Variants in SLX4IP observed in about 807,000 individuals in gnomAD.
The protein encoded by SLX4IP is SLX4 interacting protein.
A neutral mutation model predicts 32.9 loss-of-function variants in SLX4IP; 34 were observed. The observed-to-expected ratio is 1.03, with a 90% CI of 0.79 to 1.38. The LOEUF is 1.38. Among genes scored for constraint, SLX4IP ranks in the 40% most tolerant of loss-of-function variants. The pLI, the probability that SLX4IP is intolerant of heterozygous loss-of-function variation, is 0.00. For synonymous variants in SLX4IP, 172 were observed against 171.7 expected (o/e 1.00, Z -0.01); for missense variants, 444 against 479.0 (o/e 0.93, Z 0.68).
chr20:10,465,111 A>G (rs1295935303), intron 2 of SLX4IP, among the ~76,000 whole-genome samples: 1 of 152,180 alleles, frequency 6.6e-6, no homozygotes, highest in Non-Finnish European at 1.5e-5. Context: ...TATGTCCTGT[A>G]CTTCAGTGAG....
chr20:10,505,264 G>A (rs190229541), intron 2 of SLX4IP, among the ~76,000 whole-genome samples: 1 of 152,276 alleles, frequency 6.6e-6, no homozygotes, highest in African/African-American at 2.4e-5. Context: ...TAGACTCTGG[G>A]AATGTGTGCA....
intron 4 of SLX4IP, among the ~76,000 whole-genome samples, chr20:10,571,707 G>T (rs1032026942): frequency 2.0e-5 from 3 of 152,172 alleles, no homozygotes; most frequent in Admixed American, 6.5e-5. Flanking sequence ...AGCACCCACT[G>T]CAGAGCCTGT....
At chr20:10,483,126 CGTTT>C (rs1260422007) in intron 2 of SLX4IP, among the ~76,000 whole-genome samples, 2 of 151,988 alleles carry the variant, frequency 1.3e-5, no homozygotes, top group Non-Finnish European at 2.9e-5. Flanking sequence ...TTTGTTTGTT[CGTTT>C]GTTTGTTTTG....
chr20:10,590,256 A>G lies in SLX4IP; in HGVS notation c.239-8419A>G, dbSNP rs1012844177. Reference sequence around the variant, plus strand: ...AATGCAGATCCCACACATTTATACAATTAATGATTTCTAAAATTATATCAT... The same window carrying G: ...AATGCAGATCCCACACATTTATACAGTTAATGATTTCTAAAATTATATCAT... On this transcript the variant is annotated intron_variant, in intron 4 of 7. Coordinates refer to ENST00000334534, the MANE Select transcript of SLX4IP (RefSeq NM_001009608.3). Among the ~76,000 whole-genome samples the G allele has an allele frequency of 2.0e-5, 3 of 152,226 alleles. No individual in the cohort carries two copies. In the South Asian group the frequency reaches 6.2e-4, roughly 32 times the overall value.
intron 2 of SLX4IP, among the ~76,000 whole-genome samples, chr20:10,527,893 C>G (rs187696043): frequency 3.3e-5 from 5 of 152,252 alleles, no homozygotes; most frequent in East Asian, 1.9e-4. Context: ...TGCATTCCAT[C>G]CTGCTTTTTC....
At chr20:10,558,067 C>T (rs1341413902) in intron 3 of SLX4IP, among the ~76,000 whole-genome samples, 1 of 152,166 alleles carries the variant, frequency 6.6e-6, no homozygotes, top group Non-Finnish European at 1.5e-5. Context: ...TGGCCAGGTG[C>T]AGTGACACAC....
chr20:10,504,033 A>T (rs2065739456), intron 2 of SLX4IP, among the ~76,000 whole-genome samples: 1 of 152,208 alleles, frequency 6.6e-6, no homozygotes, highest in South Asian at 2.1e-4. Context: ...ATCTTATGAT[A>T]TCCAGTTCAG....
intron 2 of SLX4IP, among the ~76,000 whole-genome samples, chr20:10,491,167 A>G (rs950633726): frequency 6.6e-6 from 1 of 152,216 alleles, no homozygotes; most frequent in African/African-American, 2.4e-5. Flanking sequence ...TGTGTTTTAA[A>G]TACTTAATAA....
chr20:10,525,643 A>G (rs2065934786), intron 2 of SLX4IP, among the ~76,000 whole-genome samples: 1 of 152,224 alleles, frequency 6.6e-6, no homozygotes. Flanking sequence ...ATTTTCCTCC[A>G]GAATTATTCA....
intron 2 of SLX4IP, among the ~76,000 whole-genome samples, chr20:10,469,545 T>C (rs536682994): frequency 2.0e-5 from 3 of 152,332 alleles, no homozygotes; most frequent in Admixed American, 6.5e-5. Flanking sequence ...TAGACCTTGA[T>C]ACTTTTAATT....
At chr20:10,494,596 A>G (rs2065651763) in intron 2 of SLX4IP, among the ~76,000 whole-genome samples, 2 of 151,948 alleles carry the variant, frequency 1.3e-5, no homozygotes, top group African/African-American at 4.8e-5. Context: ...TTTGTGCTAG[A>G]CGTTTGCCTG....
intron 2 of SLX4IP, among the ~76,000 whole-genome samples, chr20:10,554,527 G>A (rs2122494954): frequency 6.6e-6 from 1 of 152,322 alleles, no homozygotes; most frequent in South Asian, 2.1e-4. Flanking sequence ...ATTTGCCAGA[G>A]TGGTTAGACC....
chr20:10,540,081 T>C, intron 2 of SLX4IP, among the ~76,000 whole-genome samples: 7 of 107,276 alleles, frequency 6.5e-5, no homozygotes, highest in Admixed American at 5.0e-4. Context: ...TTCTTTCTTT[T>C]CTCTCCTTCC....
intron 2 of SLX4IP, among the ~76,000 whole-genome samples, chr20:10,531,664 T>A (rs544226844): frequency 1.8e-4 from 28 of 151,544 alleles, no homozygotes; most frequent in Non-Finnish European, 3.7e-4. Flanking sequence ...TACCGAGACG[T>A]GTGACAAAGA....
rs180833728 is a variant in SLX4IP at position 10,562,995 on chromosome 20, C to T, written c.238+2175C>T. ...ATTTTTGAGGAACCTCCAAATTGTT[C>T]TCCATAATGGTTGTACTAATTTAAA... On this transcript the variant is annotated intron_variant, in intron 4 of 7. Transcript: ENST00000334534. Among the ~76,000 whole-genome samples the T allele has an allele frequency of 5.8e-3, 882 of 152,274 alleles. 7 individuals carry two copies. Among genetic ancestry groups the T allele is most frequent in the African/African-American group, 0.02 (832 of 41,564 alleles).
chr20:10,511,448 G>A (rs2065807352), intron 2 of SLX4IP, among the ~76,000 whole-genome samples: 1 of 152,190 alleles, frequency 6.6e-6, no homozygotes, highest in South Asian at 2.1e-4. Flanking sequence ...AGACAGTAAG[G>A]CGATCAGGCT....
chr20:10,546,680 A>G (rs912214772), intron 2 of SLX4IP, among the ~76,000 whole-genome samples: 10 of 152,132 alleles, frequency 6.6e-5, no homozygotes, highest in African/African-American at 2.4e-4. Flanking sequence ...TCTCCATTTT[A>G]TGTTGGAGGA....
intron 4 of SLX4IP, among the ~76,000 whole-genome samples, chr20:10,580,384 A>T (rs1389952453): frequency 6.6e-6 from 1 of 151,882 alleles, no homozygotes; most frequent in Non-Finnish European, 1.5e-5. Context: ...TCCGCTTCTC[A>T]GTCCCAGCAG....
At position 10,625,644 on chromosome 20, in the gene SLX4IP, T is replaced by C. The variant is rs1450972512; in HGVS notation, c.*2265T>C. ...AAAGTCTTGGCTTTAGAGTTTGTTA[T>C]AGTTGGGGATATAACAATTACTGTG... On this transcript the variant is annotated 3_prime_UTR_variant, in exon 8 of 8. Coordinates refer to ENST00000334534, the MANE Select transcript of SLX4IP (RefSeq NM_001009608.3). The C allele has an allele frequency of 1.3e-5, 2 of 152,222 alleles. No homozygotes were observed. The highest frequency in any genetic ancestry group is 2.4e-5 in the African/African-American group (1 of 41,446). The allele number at this position is 152,222 out of a possible 1,614,324, so 9.4% of individuals were successfully genotyped here.
Sources: allele counts gnomAD v4.1 joint callset (sites outside exome capture counted in the v4.1 genomes callset), GRCh38; gene constraint gnomAD v4.1.1; transcripts MANE v1.5; gene names NCBI Gene and HGNC (gene_info 2026-07-23, HGNC 2026-07-21).